Variants in SH3KBP1 observed in about 807,000 individuals in gnomAD.
SH3KBP1 encodes the protein SH3 domain containing kinase binding protein 1, also known as SH3 domain-containing kinase-binding protein 1.
In SH3KBP1, 8 loss-of-function variants were observed where a neutral mutation model predicts 50.1. The observed-to-expected ratio is 0.16, with a 90% CI of 0.09 to 0.29. The LOEUF (loss-of-function observed/expected upper bound fraction) is 0.29, where lower values mean the gene tolerates loss of function less well. Among genes scored for constraint, SH3KBP1 ranks in the 10% least tolerant of loss-of-function variants. The probability of loss-of-function intolerance (pLI) is 1.00; values close to 1 mark genes in which losing one functional copy is unlikely to be tolerated. For missense variants in SH3KBP1, 377 were observed against 535.2 expected, an observed-to-expected ratio of 0.70 and a Z score of 2.92; for synonymous variants, 227 against 218.6, an observed-to-expected ratio of 1.04 and a Z score of -0.34.
intron 1 of SH3KBP1, among the ~76,000 whole-genome samples, chrX:19,878,517 A>T (rs866693399): frequency 0.11 from 10,504 of 96,637 alleles, 674 homozygotes; most frequent in African/African-American, 0.14. Flanking sequence ...AGAGAGAGAG[A>T]GAGAGAGAGA....
intron 1 of SH3KBP1, among the ~76,000 whole-genome samples, chrX:19,859,281 T>A (rs955351179): frequency 9.0e-6 from 1 of 110,761 alleles, no homozygotes; most frequent in Admixed American, 9.6e-5. Flanking sequence ...CCTGAGTAGC[T>A]GGGATTACAG....
intron 2 of SH3KBP1, among the ~76,000 whole-genome samples, chrX:19,789,077 T>C (rs763778418): frequency 2.9e-4 from 32 of 111,508 alleles, no homozygotes; most frequent in African/African-American, 1.0e-3. Context: ...TGAGCTGAGA[T>C]TGCGCCACTG....
intron 1 of SH3KBP1, among the ~76,000 whole-genome samples, chrX:19,868,088 T>C (rs1288794937): frequency 8.9e-6 from 1 of 111,902 alleles, no homozygotes; most frequent in Non-Finnish European, 1.9e-5. Context: ...CTACCTACTA[T>C]GTGCATGCAA....
At chrX:19,883,954 G>A (rs1309625972) in intron 1 of SH3KBP1, among the ~76,000 whole-genome samples, 2 of 111,445 alleles carry the variant, frequency 1.8e-5, no homozygotes, top group Non-Finnish European at 3.8e-5. Context: ...CAAGCCACCT[G>A]ACACAGGTGC....
chrX:19,561,315 G>A (rs1218472599), intron 13 of SH3KBP1, among the ~76,000 whole-genome samples: 1 of 110,535 alleles, frequency 9.0e-6, no homozygotes, highest in African/African-American at 3.3e-5. Context: ...ACCAGCCTGG[G>A]TAACTTGATG....
chrX:19,688,405 T>C (rs1401821119), intron 5 of SH3KBP1, among the ~76,000 whole-genome samples: 1 of 112,226 alleles, frequency 8.9e-6, no homozygotes, highest in Non-Finnish European at 1.9e-5. Flanking sequence ...TTCTGCTGTG[T>C]CAGTCATGAA....
rs773676337 is a variant in SH3KBP1, at chrX:19,742,567, G to T, written c.286+3751C>A. 2.7e-3 allele frequency among the ~76,000 whole-genome samples: 280 copies of T among 105,019 alleles called. 1 individual carries two copies. Among genetic ancestry groups the T allele is most frequent in the Middle Eastern group, 5.3e-3 (1 of 190 alleles). The allele number at this position is 105,019 out of a possible 115,157, so 91.2% of individuals were successfully genotyped here. ...CTCAACATTTGAATGCGTTTTTTTTGTTTGTTTGTTTGTTTGTTTTTTGAG... is the reference window on the plus strand; with the variant it reads ...CTCAACATTTGAATGCGTTTTTTTTTTTTGTTTGTTTGTTTGTTTTTTGAG... On this transcript the variant is annotated intron_variant, in intron 3 of 17. Transcript: ENST00000397821.
At chrX:19,678,467 G>C (rs957430965) in intron 6 of SH3KBP1, among the ~76,000 whole-genome samples, 6 of 108,793 alleles carry the variant, frequency 5.5e-5, no homozygotes, top group African/African-American at 1.7e-4. Flanking sequence ...AGGCAGCATA[G>C]AATGGGCACA....
chrX:19,859,015 G>A (rs2068720095), intron 1 of SH3KBP1, among the ~76,000 whole-genome samples: 1 of 112,285 alleles, frequency 8.9e-6, no homozygotes, highest in East Asian at 2.8e-4. Context: ...AAAGAACTTC[G>A]CATATGAGGC....
chrX:19,577,669 T>C (rs1302053042), intron 12 of SH3KBP1, among the ~76,000 whole-genome samples: 6 of 109,868 alleles, frequency 5.5e-5, no homozygotes, highest in South Asian at 3.9e-4. Flanking sequence ...AGACAAGGTG[T>C]TGAAGTGCAC....
At chrX:19,721,783 G>C (rs2064065676) in intron 3 of SH3KBP1, among the ~76,000 whole-genome samples, 1 of 111,020 alleles carries the variant, frequency 9.0e-6, no homozygotes, top group African/African-American at 3.3e-5. Flanking sequence ...AGGATCCCTT[G>C]AGGGCAGAAT....
chrX:19,682,331 CAT>C (rs1828272092), intron 6 of SH3KBP1, among the ~76,000 whole-genome samples: 1 of 93,052 alleles, frequency 1.1e-5, no homozygotes, highest in Non-Finnish European at 2.1e-5. Context: ...TAATAAGAGT[CAT>C]ACACACACAC....
intron 3 of SH3KBP1, among the ~76,000 whole-genome samples, chrX:19,722,432 T>A (rs1048820598): frequency 9.0e-6 from 1 of 111,301 alleles, no homozygotes; most frequent in African/African-American, 3.3e-5. Flanking sequence ...GCACTACAAG[T>A]TTCCCCCTAT....
chrX:19,588,439 C>T (rs1249300630), intron 12 of SH3KBP1: 2 of 1,159,911 alleles, frequency 1.7e-6, no homozygotes, highest in South Asian at 1.9e-5. Context: ...ACCCCTCAAC[C>T]TCACACTCAC....
intron 11 of SH3KBP1, 150 bp from the exon 12 acceptor site, chrX:19,588,952 T>C: frequency 2.1e-6 from 1 of 480,194 alleles, no homozygotes; most frequent in Non-Finnish European, 3.2e-6. Flanking sequence ...ACTTATTCTT[T>C]GTCAGGTTAG....
At chrX:19,655,437 T>C (rs1006139785) in intron 6 of SH3KBP1, among the ~76,000 whole-genome samples, 6 of 111,198 alleles carry the variant, frequency 5.4e-5, no homozygotes, top group Non-Finnish European at 1.1e-4. Context: ...CAACAGTGGA[T>C]TGGATAAAGA....
intron 6 of SH3KBP1, among the ~76,000 whole-genome samples, chrX:19,649,161 A>G (rs908550516): frequency 1.8e-5 from 2 of 111,406 alleles, no homozygotes; most frequent in Admixed American, 1.9e-4. Flanking sequence ...CTTCCTCCAC[A>G]GTGTTCTTGC....
chrX:19,801,432 A>G (rs1414953303), intron 2 of SH3KBP1, among the ~76,000 whole-genome samples: 2 of 112,541 alleles, frequency 1.8e-5, no homozygotes, highest in African/African-American at 6.5e-5. Flanking sequence ...TTTCTGTTCC[A>G]TGCAATCTCA....
intron 2 of SH3KBP1, among the ~76,000 whole-genome samples, chrX:19,757,013 C>T (rs2065226916): frequency 9.0e-6 from 1 of 110,927 alleles, no homozygotes; most frequent in African/African-American, 3.3e-5. Flanking sequence ...GGCCGAGGGA[C>T]AGAGAAAGCA....
Sources: gnomAD v4.1 joint callset for allele counts (sites outside exome capture counted in the v4.1 genomes callset) on GRCh38, gnomAD v4.1.1 for gene constraint, MANE v1.5 for transcripts, NCBI Gene and HGNC (gene_info 2026-07-23, HGNC 2026-07-21) for gene names.